The following NLGN3 variants were observed in gnomAD, a reference collection of about 807,000 sequenced individuals.
NLGN3 encodes neuroligin-3.
A neutral mutation model predicts 42.9 loss-of-function variants in NLGN3; 11 were observed. The observed-to-expected ratio is 0.26, with a 90% CI of 0.16 to 0.42. NLGN3 has a LOEUF of 0.42. NLGN3 is among the 10% of genes least tolerant of loss of function. The pLI is 1.00. For synonymous variants in NLGN3, 279 were observed against 312.7 expected, an observed-to-expected ratio of 0.89 and a Z score of 1.14; for missense variants, 374 against 733.8, an observed-to-expected ratio of 0.51 and a Z score of 5.67.
intron 4 of NLGN3, 25 bp downstream of exon 4, chrX:71,153,561 C>T (rs1405020682): frequency 7.7e-6 from 9 of 1,176,335 alleles, no homozygotes; most frequent in South Asian, 1.8e-5. Context: ...CAGGGCGCGG[C>T]GGCTGGTGCA....
At chrX:71,164,789 G>T (rs923708827) in intron 6 of NLGN3, among the ~76,000 whole-genome samples, 1 of 111,292 alleles carries the variant, frequency 9.0e-6, no homozygotes, top group East Asian at 2.9e-4. Context: ...GGGGAAGTGG[G>T]TCTGAAATGA....
downstream of NLGN3, among the ~76,000 whole-genome samples, chrX:71,171,432 G>T (rs1454070237): frequency 9.1e-6 from 1 of 110,057 alleles, no homozygotes; most frequent in Non-Finnish European, 1.9e-5. Flanking sequence ...CCTGCCCCCA[G>T]CGCGCTGGGT....
downstream of NLGN3, chrX:71,171,324 G>A: frequency 6.6e-6 from 1 of 150,582 alleles, no homozygotes; most frequent in Non-Finnish European, 9.7e-6. Flanking sequence ...AGTCTGGGCT[G>A]CACTGTGCGG....
downstream of NLGN3, among the ~76,000 whole-genome samples, chrX:71,172,891 C>T (rs779889552): frequency 2.7e-5 from 3 of 111,246 alleles, no homozygotes; most frequent in Non-Finnish European, 5.7e-5. Context: ...AGTTCTCAAT[C>T]GCAGTTGCCA....
chrX:71,148,788 G>A (rs932516208), intron 2 of NLGN3, 58 bp from the exon 3 acceptor site: 101 of 1,063,912 alleles, frequency 9.5e-5, no homozygotes, highest in Non-Finnish European at 1.2e-4. Context: ...GGGGTGGGGG[G>A]TGCATGCCCC....
Position 71,167,467 on chromosome X carries a change from T to C in NLGN3, c.1370T>C (p.Met457Thr). The C allele has an allele frequency of 8.3e-7, 1 of 1,211,184 alleles. No individual in the cohort carries two copies. The highest frequency in any genetic ancestry group is 1.1e-6 in the Non-Finnish European group (1 of 895,269). The change falls in exon 7 of 8, where the codon ATG becomes ACG. Residue 457 changes from methionine to threonine, a missense_variant. By Grantham distance (81) the Met-to-Thr change is moderately conservative. Around this residue, in one of 6 missense-constraint regions of NLGN3, gnomAD observed 142 missense variants for 359.1 expected, o/e 0.40. Transcript: ENST00000358741. ...KDTLRETIKF[M>T]YTDWADRDNP... ...ACCCTGCGAGAGACCATCAAGTTCA[T>C]GTATACAGACTGGGCAGACCGTGAC...
intron 5 of NLGN3, among the ~76,000 whole-genome samples, chrX:71,163,130 G>T (rs748632676): frequency 1.8e-5 from 2 of 110,705 alleles, no homozygotes; most frequent in East Asian, 5.7e-4. Context: ...AGTCTCCATG[G>T]CAACAAGTCT....
downstream of NLGN3, chrX:71,171,625 C>T (rs985007946): frequency 1.0e-4 from 77 of 742,917 alleles, no homozygotes; most frequent in Non-Finnish European, 9.0e-5. Flanking sequence ...CTCTAACGTG[C>T]TGAAATTCTT....
chrX:71,151,343 C>T (rs1251570589), intron 3 of NLGN3, among the ~76,000 whole-genome samples: 1 of 111,990 alleles, frequency 8.9e-6, no homozygotes, highest in Non-Finnish European at 1.9e-5. Context: ...GCTGGTTTCC[C>T]TAAGTCCCAT....
intron 3 of NLGN3, among the ~76,000 whole-genome samples, chrX:71,151,766 G>A (rs1490932071): frequency 8.9e-6 from 1 of 112,392 alleles, no homozygotes; most frequent in Non-Finnish European, 1.9e-5. Context: ...AGGGTTTCCT[G>A]GGGAAGACCT....
At chrX:71,158,107 T>C (rs1314825021) in intron 5 of NLGN3, among the ~76,000 whole-genome samples, 2 of 109,661 alleles carry the variant, frequency 1.8e-5, no homozygotes, top group African/African-American at 6.7e-5. Context: ...AGACAGAGTC[T>C]CACTCTGTCA....
intron 7 of NLGN3, among the ~76,000 whole-genome samples, chrX:71,168,833 G>GA (rs1646060909): frequency 1.4e-5 from 1 of 73,772 alleles, no homozygotes; most frequent in African/African-American, 7.9e-5. Flanking sequence ...AAGAAAGAAA[G>GA]AAAGAAAGAA....
rs769247987 is a variant in NLGN3 at position 71,169,615 on chromosome X, G to A, written c.2065G>A (p.Gly689Arg). Residue 689 changes from glycine (G) to arginine (R), a missense_variant, in exon 8 of 8, where the codon GGG (glycine) becomes AGG (arginine). Physicochemically the swap from Gly to Arg is moderately radical, Grantham distance 125. Coordinates refer to ENST00000358741, the MANE Select transcript of NLGN3 (RefSeq NM_181303.2). Reference sequence around the variant, plus strand: ...CGAGAATGCCCAGGGGTCCTGGAACGGGGACCAGGATGCAGGGCCACTCCT... The same window carrying A: ...CGAGAATGCCCAGGGGTCCTGGAACAGGGACCAGGATGCAGGGCCACTCCT... ...SNENAQGSWN[G>R]DQDAGPLLVE... 1.3e-5 allele frequency: 16 copies of A among 1,210,535 alleles called. No homozygotes were observed. The East Asian group carries it at 1.5e-4, about 11-fold the overall frequency.
At chrX:71,152,247 TC>T (rs1286424077) in intron 3 of NLGN3, among the ~76,000 whole-genome samples, 3 of 110,886 alleles carry the variant, frequency 2.7e-5, no homozygotes, top group African/African-American at 9.9e-5. Context: ...AGGATGCACT[TC>T]TAGCCTCCTT....
rs1288162707 is a variant in NLGN3 at position 71,170,448 on chromosome X, GGT to G, written c.*353_*354del. 1.1e-6 allele frequency: 1 copy of G among 928,179 alleles called. No individual in the cohort carries two copies. The highest frequency in any genetic ancestry group is 2.0e-5 in the African/African-American group (1 of 48,934). The allele number at this position is 928,179 out of a possible 1,213,427, so 76.5% of individuals were successfully genotyped here. Reference sequence around the variant, plus strand: ...GAAAGCAACAGCTGGACACCCCCTTGGTGCTCGCCTTCGGCCTCTCTTGGAAC... The same window carrying G: ...GAAAGCAACAGCTGGACACCCCCTTGGCTCGCCTTCGGCCTCTCTTGGAAC... On this transcript the variant is annotated 3_prime_UTR_variant, in exon 8 of 8. Coordinates refer to ENST00000358741, the MANE Select transcript of NLGN3 (RefSeq NM_181303.2).
intron 5 of NLGN3, among the ~76,000 whole-genome samples, chrX:71,157,359 T>C (rs1175538736): frequency 1.8e-5 from 2 of 109,599 alleles, no homozygotes; most frequent in African/African-American, 6.7e-5. Context: ...AGTCTCACTC[T>C]GTCGCCCAGG....
chrX:71,154,599 G>A (rs1012392736), intron 4 of NLGN3, among the ~76,000 whole-genome samples: 1 of 111,965 alleles, frequency 8.9e-6, no homozygotes, highest in Non-Finnish European at 1.9e-5. Flanking sequence ...AGGGAGAATG[G>A]GGAAATGGGC....
At position 71,171,005 on chromosome X, in the gene NLGN3, G is replaced by A. The variant is rs1036305687; in HGVS notation, c.*908G>A. Reference sequence around the variant, plus strand: ...CTTGGGGAAATGCTATCAGAAATTCGCCCCATTTTCTTTACAGTCTTTTGT... The same window carrying A: ...CTTGGGGAAATGCTATCAGAAATTCACCCCATTTTCTTTACAGTCTTTTGT... On this transcript the variant is annotated 3_prime_UTR_variant, in exon 8 of 8. Transcript: ENST00000358741. 12 of 751,363 alleles carry A rather than the reference G, an allele frequency of 1.6e-5. No individual in the cohort carries two copies. The highest frequency in any genetic ancestry group is 6.8e-5 in the South Asian group (1 of 14,654). 61.9% of individuals were successfully genotyped at this position (751,363 alleles called of 1,213,427 possible).
In NLGN3 at chrX:71,168,884, G is replaced by A. The variant is rs59138595; in HGVS notation, c.1704-370G>A. ...AAGAAAGAAAGAGAAAGAAAAGAAA[G>A]AGAAAGAAAGAAAGAAAGAAAAAGA... On this transcript the variant is annotated intron_variant, in intron 7 of 7. Transcript: ENST00000358741. Among the ~76,000 whole-genome samples the A allele has an allele frequency of 4.2e-5, 3 of 71,589 alleles. No individual in the cohort carries two copies. The South Asian group carries it at 1.4e-3, about 34-fold the overall frequency. 62.2% of individuals were successfully genotyped at this position (71,589 alleles called of 115,157 possible).
Sources: gnomAD v4.1 joint callset for allele counts (sites outside exome capture counted in the v4.1 genomes callset) on GRCh38, gnomAD v4.1.1 for gene constraint, gnomAD v4.1.1 regional missense constraint, MANE v1.5 for transcripts, NCBI Gene and HGNC (gene_info 2026-07-23, HGNC 2026-07-21) for gene names.